The following ZNF407 variants were observed in gnomAD, a reference collection of about 807,000 sequenced individuals.
ZNF407 encodes zinc finger protein 407.
In ZNF407, 17 loss-of-function variants were observed where a neutral mutation model predicts 131.2. The ratio of observed to expected loss-of-function variants is 0.13; its 90% CI spans 0.09 to 0.19. ZNF407 has a LOEUF of 0.19. Ranked by LOEUF, ZNF407 falls within the 10% of genes least tolerant of loss-of-function variation. ZNF407 has a pLI of 1.00. For missense variants in ZNF407, 2,681 were observed against 2,830.6 expected (o/e 0.95, Z 1.20); for synonymous variants, 1,156 against 1,062.0 (o/e 1.09, Z -1.72).
At chr18:74,624,307 T>G (rs2144646527) in intron 1 of ZNF407, among the ~76,000 whole-genome samples, 1 of 152,286 alleles carries the variant, frequency 6.6e-6, no homozygotes, top group African/African-American at 2.4e-5. Flanking sequence ...AATTCTTCTT[T>G]AAAAAAGACC....
intron 3 of ZNF407, among the ~76,000 whole-genome samples, chr18:74,751,428 T>C (rs1487502939): frequency 1.3e-5 from 2 of 152,260 alleles, no homozygotes; most frequent in East Asian, 3.9e-4. Flanking sequence ...AATGTGCAGG[T>C]TTGTTACATA....
intron 3 of ZNF407, among the ~76,000 whole-genome samples, chr18:74,686,568 A>G (rs1457261325): frequency 6.6e-6 from 1 of 152,096 alleles, no homozygotes; most frequent in African/African-American, 2.4e-5. Context: ...CCTATATCTG[A>G]TTCTGTCTAC....
At chr18:74,963,005 A>G (rs1972365286) in intron 8 of ZNF407, among the ~76,000 whole-genome samples, 1 of 152,234 alleles carries the variant, frequency 6.6e-6, no homozygotes, top group African/African-American at 2.4e-5. Flanking sequence ...CAGTTAATGC[A>G]TGGTCTTCAT....
chr18:74,674,427 A>G (rs1292592554), intron 3 of ZNF407, among the ~76,000 whole-genome samples: 1 of 152,014 alleles, frequency 6.6e-6, no homozygotes, highest in East Asian at 1.9e-4. Context: ...TTAACACATT[A>G]CCAAATATCT....
chr18:74,824,553 T>C (rs982243700), intron 4 of ZNF407, among the ~76,000 whole-genome samples: 1 of 152,050 alleles, frequency 6.6e-6, no homozygotes, highest in African/African-American at 2.4e-5. Flanking sequence ...CCCACAGAAA[T>C]ACAAACTACC....
chr18:74,723,081 G>C (rs1052179393), intron 3 of ZNF407, among the ~76,000 whole-genome samples: 8 of 151,922 alleles, frequency 5.3e-5, no homozygotes, highest in African/African-American at 1.9e-4. Context: ...TCTTTACTTT[G>C]TCATATTCAT....
At chr18:74,623,034 A>ATG (rs200952647) in intron 1 of ZNF407, among the ~76,000 whole-genome samples, 605 of 6,322 alleles carry the variant, frequency 0.096, 2 homozygotes, top group African/African-American at 0.15. Context: ...GTGTGAGTGC[A>ATG]TGTGTGTGTG....
intron 3 of ZNF407, among the ~76,000 whole-genome samples, chr18:74,779,139 G>A (rs1173159948): frequency 6.8e-5 from 2 of 29,282 alleles, no homozygotes; most frequent in Non-Finnish European, 1.9e-4. Context: ...TTTTTGAGAC[G>A]GAGGCTTGCT....
chr18:74,650,004 A>T (rs1599040907), intron 3 of ZNF407, among the ~76,000 whole-genome samples: 1 of 152,220 alleles, frequency 6.6e-6, no homozygotes, highest in Non-Finnish European at 1.5e-5. Flanking sequence ...AGTGATGAAG[A>T]TACACAAGCA....
In ZNF407 at chr18:74,631,383, G is replaced by A. The variant is rs1483450974; in HGVS notation, c.364G>A (p.Val122Ile). Reference protein sequence around the residue: ...GKETFLSDCTVGGTCLPNALS... With the variant: ...GKETFLSDCTIGGTCLPNALS... Reference sequence around the variant, plus strand: ...GGAGACCTTTCTGAGTGACTGCACAGTTGGAGGCACATGTCTCCCAAATGC... The same window carrying A: ...GGAGACCTTTCTGAGTGACTGCACAATTGGAGGCACATGTCTCCCAAATGC... The change falls in exon 2 of 9, where the codon GTT becomes ATT. Residue 122 changes from valine (V) to isoleucine (I), a missense_variant. Around this residue, in one of 6 missense-constraint regions of ZNF407, gnomAD observed 1,789 missense variants for 1,748.7 expected, o/e 1.02. Transcript: ENST00000299687. 1 of 1,614,018 alleles carries A rather than the reference G, an allele frequency of 6.2e-7. No homozygotes were observed. Among genetic ancestry groups the A allele is most frequent in the Admixed American group, 1.7e-5 (1 of 60,020 alleles).
At chr18:74,879,520 T>C (rs1971209988) in intron 5 of ZNF407, among the ~76,000 whole-genome samples, 1 of 152,228 alleles carries the variant, frequency 6.6e-6, no homozygotes. Context: ...ACTCTCAGTG[T>C]TATTTAATTG....
At chr18:74,684,533 A>G (rs1391811117) in intron 3 of ZNF407, among the ~76,000 whole-genome samples, 2 of 152,192 alleles carry the variant, frequency 1.3e-5, no homozygotes, top group Admixed American at 6.5e-5. Context: ...TATAAGCACA[A>G]TTCAGTGGGA....
intron 3 of ZNF407, among the ~76,000 whole-genome samples, chr18:74,668,233 G>A (rs1986006426): frequency 6.6e-6 from 1 of 152,154 alleles, no homozygotes; most frequent in Admixed American, 6.5e-5. Context: ...TGCATAATGT[G>A]TGAAGTTGGC....
At chr18:74,917,108 A>G (rs373138453) in intron 7 of ZNF407, among the ~76,000 whole-genome samples, 4 of 152,110 alleles carry the variant, frequency 2.6e-5, no homozygotes, top group Non-Finnish European at 5.9e-5. Flanking sequence ...ATATTTGACA[A>G]GTAACCCATT....
chr18:74,850,962 A>T (rs989559574), intron 4 of ZNF407, among the ~76,000 whole-genome samples: 1 of 152,212 alleles, frequency 6.6e-6, no homozygotes, highest in African/African-American at 2.4e-5. Context: ...ATTAGAATTC[A>T]AACTGTATAT....
At chr18:75,028,318 G>GATGAGGAGA (rs1568305371) in intron 8 of ZNF407, among the ~76,000 whole-genome samples, 1 of 152,140 alleles carries the variant, frequency 6.6e-6, no homozygotes, top group Non-Finnish European at 1.5e-5. Context: ...TCTCTCCTTG[G>GATGAGGAGA]GTGGTGGATG....
At chr18:74,993,741 G>C (rs751612596) in intron 8 of ZNF407, among the ~76,000 whole-genome samples, 3 of 152,210 alleles carry the variant, frequency 2.0e-5, no homozygotes, top group Non-Finnish European at 4.4e-5. Flanking sequence ...AGGAAAGCTC[G>C]TCAGAAAACT....
chr18:74,622,292 A>G lies in ZNF407; in HGVS notation c.-53-8675A>G, dbSNP rs7506757. ...AATGAGGTAATACCATAAGGGCAAG[A>G]CACATTTTCAACAGGAAGTCAGCTG... is the stretch of plus-strand genomic sequence containing the variant. On this transcript the variant is annotated intron_variant, in intron 1 of 8. Transcript: ENST00000299687. Among the ~76,000 whole-genome samples the G allele has an allele frequency of 6.6e-5, 10 of 152,322 alleles. No individual in the cohort carries two copies. In the East Asian group the frequency reaches 1.9e-3, roughly 29 times the overall value.
At chr18:74,949,218 G>T (rs1972186998) in intron 8 of ZNF407, among the ~76,000 whole-genome samples, 1 of 152,172 alleles carries the variant, frequency 6.6e-6, no homozygotes, top group Admixed American at 6.5e-5. Flanking sequence ...TTGGAAATTT[G>T]TAAAAAGTAG....
Sources: allele counts gnomAD v4.1 joint callset (sites outside exome capture counted in the v4.1 genomes callset), GRCh38; gene constraint gnomAD v4.1.1; regional missense constraint gnomAD v4.1.1; transcripts MANE v1.5; gene names NCBI Gene and HGNC (gene_info 2026-07-23, HGNC 2026-07-21).